Variants in RPGRIP1 observed in about 807,000 individuals in gnomAD.
RPGRIP1 encodes the protein RPGR interacting protein 1.
In RPGRIP1, 128 loss-of-function variants were observed where a neutral mutation model predicts 157.9. That is an observed-to-expected ratio of 0.81 (90% CI 0.70 to 0.94). RPGRIP1 has a LOEUF of 0.94. Among genes scored for constraint, RPGRIP1 ranks in the 40% least tolerant of loss-of-function variants. RPGRIP1 has a pLI of 0.00. For synonymous variants in RPGRIP1, 554 were observed against 571.6 expected (o/e 0.97, Z 0.44); for missense variants, 1,486 against 1,545.8 (o/e 0.96, Z 0.65).
chr14:21,312,483 C>A lies in RPGRIP1; in HGVS notation c.1128C>A (p.Asp376Glu). The A allele has an allele frequency of 6.2e-7, 1 of 1,611,022 alleles. No homozygotes were observed. Among genetic ancestry groups the A allele is most frequent in the Non-Finnish European group, 8.5e-7 (1 of 1,177,984 alleles). The change falls in exon 10 of 25, where the codon GAC becomes GAA. Residue 376 changes from aspartate (D) to glutamate (E), a missense_variant. By Grantham distance (45) the Asp-to-Glu change is conservative. Coordinates refer to ENST00000400017, the MANE Select transcript of RPGRIP1 (RefSeq NM_020366.4). ...AAAAAGAACGAAAATTGCTGAATGA[C>A]AATTATGACAAACTCTTAGAAAGGT... ...DLEKERKLLN[D>E]NYDKLLESML...
chr14:21,286,640 C>G (rs1023498492), intron 1 of RPGRIP1, among the ~76,000 whole-genome samples: 4 of 151,532 alleles, frequency 2.6e-5, no homozygotes, highest in Non-Finnish European at 5.9e-5. Flanking sequence ...ACTAAAATTA[C>G]AAATATTAGC....
intron 6 of RPGRIP1, among the ~76,000 whole-genome samples, chr14:21,306,334 T>G (rs529198761): frequency 6.6e-6 from 1 of 150,872 alleles, no homozygotes; most frequent in Non-Finnish European, 1.5e-5. Flanking sequence ...GGTTTCACCA[T>G]GTTGGCCAGG....
At chr14:21,312,544 T>TGAAA (rs1268812315) in intron 10 of RPGRIP1, 38 bp downstream of exon 10, 1 of 1,347,556 alleles carries the variant, frequency 7.4e-7, no homozygotes, top group Non-Finnish European at 1.1e-6. Flanking sequence ...AGTGTTACTA[T>TGAAA]GAAAGACATT....
intron 3 of RPGRIP1, among the ~76,000 whole-genome samples, chr14:21,300,678 A>G (rs2139155732): frequency 6.7e-6 from 1 of 150,192 alleles, no homozygotes; most frequent in East Asian, 1.9e-4. Context: ...TTAAATGCAC[A>G]CAAATACTAT....
In RPGRIP1 at chr14:21,300,950, C is replaced by T. The variant is rs1880998821; in HGVS notation, c.219-16C>T. The T allele has an allele frequency of 6.2e-7, 1 of 1,609,194 alleles. No homozygotes were observed. Among genetic ancestry groups the T allele is most frequent in the South Asian group, 1.1e-5 (1 of 90,776 alleles). ...CTGTCATGAAAGGAGAAGCCACGTG[C>T]TCTATTTGTCCACAGGCTGAGGACC... On this transcript the variant is annotated splice_polypyrimidine_tract_variant and intron_variant, in intron 3 of 24. Transcript: ENST00000400017.
Position 21,327,693 on chromosome 14 carries a change from T to C in RPGRIP1, c.2781T>C (p.Phe927=), listed in dbSNP as rs776381926. ...GSIQVQLDWK[F]PYIPPESFLK... is the part of the protein sequence containing the mutation. The stretch of plus-strand genomic sequence containing the variant: ...TTCAAGTGCAACTGGATTGGAAGTT[T>C]CCCTACATACCCCCTGAGAGCTTCC... The change falls in exon 18 of 25, where the codon TTT becomes TTC. Residue 927 remains phenylalanine, a synonymous_variant. Transcript: ENST00000400017. 1.2e-6 allele frequency: 2 copies of C among 1,613,776 alleles called. No homozygotes were observed. Among genetic ancestry groups the C allele is most frequent in the Non-Finnish European group, 1.7e-6 (2 of 1,179,868 alleles).
intron 10 of RPGRIP1, 167 bp from the exon 11 acceptor site, chr14:21,317,529 G>A: frequency 6.6e-7 from 1 of 1,503,816 alleles, no homozygotes; most frequent in Non-Finnish European, 8.9e-7. Flanking sequence ...GGACTCAAAA[G>A]TTCCAAGGCA....
chr14:21,348,542 G>A (rs955785030), intron 24 of RPGRIP1, among the ~76,000 whole-genome samples: 11 of 152,128 alleles, frequency 7.2e-5, no homozygotes, highest in Admixed American at 5.9e-4. Context: ...TGTTTGAAAA[G>A]GAGATTTTTA....
At position 21,327,278 on chromosome 14, in the gene RPGRIP1, G is replaced by A. The variant is rs1483789421; in HGVS notation, c.2711-345G>A. ...GAGGGTAGAGGTAACAGTTTTCTTG[G>A]TACAACTAAGGCACAGTAAGCATTT... On this transcript the variant is annotated intron_variant, in intron 17 of 24. Coordinates refer to ENST00000400017, the MANE Select transcript of RPGRIP1 (RefSeq NM_020366.4). 2.6e-5 allele frequency among the ~76,000 whole-genome samples: 4 copies of A among 152,062 alleles called. No individual in the cohort carries two copies. In the East Asian group the frequency reaches 7.7e-4, roughly 29 times the overall value.
chr14:21,292,755 T>C (rs1880586398), intron 2 of RPGRIP1, among the ~76,000 whole-genome samples: 2 of 151,670 alleles, frequency 1.3e-5, no homozygotes, highest in Admixed American at 6.6e-5. Flanking sequence ...GACACAAGGA[T>C]TGCTTGAACC....
intron 21 of RPGRIP1, among the ~76,000 whole-genome samples, chr14:21,338,632 T>G (rs1884654044): frequency 6.6e-6 from 1 of 152,246 alleles, no homozygotes; most frequent in Non-Finnish European, 1.5e-5. Flanking sequence ...AATATTAGAT[T>G]GAACCATATA....
chr14:21,339,875 A>G (rs1297689485), intron 21 of RPGRIP1, among the ~76,000 whole-genome samples: 2 of 152,224 alleles, frequency 1.3e-5, no homozygotes, highest in South Asian at 2.1e-4. Context: ...TGAATCTTAC[A>G]TACTACTGAG....
intron 3 of RPGRIP1, among the ~76,000 whole-genome samples, chr14:21,296,338 A>G (rs1880779550): frequency 6.6e-6 from 1 of 151,520 alleles, no homozygotes. Flanking sequence ...AAGCGCTAGG[A>G]TTACAGGTGT....
rs528793100 is a variant in RPGRIP1 at position 21,329,357 on chromosome 14, T to A, written c.3099+730T>A. 4.2e-3 allele frequency among the ~76,000 whole-genome samples: 633 copies of A among 152,066 alleles called. 4 individuals carry two copies. The highest frequency in any genetic ancestry group is 0.015 in the African/African-American group (602 of 41,502). ...TAAGATAAGCCATAATCATAGCTAATTGTGGCTAGCTTGTGTTTCCACAAA... is the reference window on the plus strand; with the variant it reads ...TAAGATAAGCCATAATCATAGCTAAATGTGGCTAGCTTGTGTTTCCACAAA... On this transcript the variant is annotated intron_variant, in intron 19 of 24. Transcript: ENST00000400017.
intron 1 of RPGRIP1, among the ~76,000 whole-genome samples, chr14:21,280,560 T>A (rs753600108): frequency 6.6e-6 from 1 of 152,138 alleles, no homozygotes; most frequent in Non-Finnish European, 1.5e-5. Context: ...TTATTCATTT[T>A]CTATTGTACC....
intron 10 of RPGRIP1, 86 bp from the exon 11 acceptor site, chr14:21,317,610 G>A: frequency 6.5e-7 from 1 of 1,549,292 alleles, no homozygotes; most frequent in East Asian, 2.4e-5. Context: ...GAGGAACTAG[G>A]TCCAGGAGAT....
At chr14:21,298,880 T>C (rs1245199068) in intron 3 of RPGRIP1, among the ~76,000 whole-genome samples, 1 of 144,676 alleles carries the variant, frequency 6.9e-6, no homozygotes, top group Admixed American at 7.2e-5. Flanking sequence ...GCTGAGGCTC[T>C]AGTGAGCAGA....
chr14:21,310,192 T>C lies in RPGRIP1; in HGVS notation c.907-392T>C, dbSNP rs577405670. Among the ~76,000 whole-genome samples, 9 of 144,198 alleles carry C rather than the reference T, an allele frequency of 6.2e-5. 3 individuals are homozygous for C. The South Asian group carries it at 2.1e-3, about 34-fold the overall frequency. The allele number at this position is 144,198 out of a possible 152,430, so 94.6% of individuals were successfully genotyped here. ...ATGTGGCAGGTAATGAAACACATAG[T>C]AACACATAGCAACTACTCAACTAAT... On this transcript the variant is annotated intron_variant, in intron 7 of 24. Coordinates refer to ENST00000400017, the MANE Select transcript of RPGRIP1 (RefSeq NM_020366.4).
rs1464842275 is a variant in RPGRIP1, at chr14:21,292,840, ACT to A, written c.86-1834_86-1833del. ...ACTCCAGCCTGGGCAACAGTGAGAG[ACT>A]CTGTGTCAAAAAAATAATAATTAGC... On this transcript the variant is annotated intron_variant, in intron 2 of 24. Transcript: ENST00000400017. Among the ~76,000 whole-genome samples, 14 of 147,864 alleles carry A rather than the reference ACT, an allele frequency of 9.5e-5. No individual in the cohort carries two copies. The East Asian group carries it at 2.6e-3, about 28-fold the overall frequency.
Sources: allele counts gnomAD v4.1 joint callset (sites outside exome capture counted in the v4.1 genomes callset), GRCh38; gene constraint gnomAD v4.1.1; transcripts MANE v1.5; gene names NCBI Gene and HGNC (gene_info 2026-07-23, HGNC 2026-07-21).